ZFP30: variants seen among roughly 807,000 people sequenced by gnomAD.
ZFP30 encodes the protein ZFP30 zinc finger protein, also known as zinc finger protein 30 homolog.
In ZFP30, 16 loss-of-function variants were observed where a neutral mutation model predicts 12.3. The ratio of observed to expected loss-of-function variants is 1.30; its 90% CI spans 0.88 to 1.98. ZFP30 has a LOEUF of 1.98. Ranked by LOEUF, ZFP30 falls within the 30% of genes most tolerant of loss-of-function variation. ZFP30 has a pLI of 0.00. For missense variants in ZFP30, 560 were observed against 611.2 expected, an observed-to-expected ratio of 0.92 and a Z score of 0.88; for synonymous variants, 172 against 201.0, an observed-to-expected ratio of 0.86 and a Z score of 1.22.
At chr19:37,641,175 T>C (rs150059537) in intron 5 of ZFP30, among the ~76,000 whole-genome samples, 2 of 152,234 alleles carry the variant, frequency 1.3e-5, no homozygotes, top group Admixed American at 6.5e-5. Context: ...ACTTCATCAA[T>C]TGGTTCCACT....
Position 37,647,909 on chromosome 19 carries a change from G to T in ZFP30, c.-77-10C>A. The stretch of plus-strand genomic sequence containing the variant: ...TCCACAGACACCAGAGCTGCAGAAA[G>T]AACATGTAAAATCATGAGAAGAGAA... On this transcript the variant is annotated splice_polypyrimidine_tract_variant and intron_variant, in intron 2 of 5. Coordinates refer to ENST00000684514, the MANE Select transcript of ZFP30 (RefSeq NM_001320669.3). The T allele has an allele frequency of 6.7e-7, 1 of 1,492,352 alleles. No individual in the cohort carries two copies. Among genetic ancestry groups the T allele is most frequent in the Non-Finnish European group, 9.3e-7 (1 of 1,075,864 alleles). 92.4% of individuals were successfully genotyped at this position (1,492,352 alleles called of 1,614,324 possible).
chr19:37,649,743 G>A (rs1430800758), intron 2 of ZFP30, among the ~76,000 whole-genome samples: 1 of 151,712 alleles, frequency 6.6e-6, no homozygotes, highest in African/African-American at 2.4e-5. Context: ...AGGATCGCCT[G>A]AGCCCAGGAG....
At chr19:37,649,576 T>C (rs1280378970) in intron 2 of ZFP30, among the ~76,000 whole-genome samples, 1 of 152,152 alleles carries the variant, frequency 6.6e-6, no homozygotes, top group African/African-American at 2.4e-5. Flanking sequence ...ACACCTGTAA[T>C]CCCAGCACTT....
Position 37,635,596 on chromosome 19 carries a change from T to C in ZFP30, c.945A>G (p.Leu315=), listed in dbSNP as rs1482097796. The change falls in exon 6 of 6, where the codon CTA becomes CTG. Residue 315 remains leucine (L), a synonymous_variant. Coordinates refer to ENST00000684514, the MANE Select transcript of ZFP30 (RefSeq NM_001320669.3). Reference sequence around the variant, plus strand: ...TTTCTCCAGTATGAAGTTTGTGATGTAGTCGAAGGCCTGTACTACACAGAA... The same window carrying C: ...TTTCTCCAGTATGAAGTTTGTGATGCAGTCGAAGGCCTGTACTACACAGAA... ...QAFLCSTGLR[L]HHKLHTGEKP... is the part of the protein sequence containing the mutation. The C allele has an allele frequency of 6.2e-7, 1 of 1,614,062 alleles. No homozygotes were observed. The highest frequency in any genetic ancestry group is 8.5e-7 in the Non-Finnish European group (1 of 1,180,036).
intron 3 of ZFP30, among the ~76,000 whole-genome samples, chr19:37,645,169 C>T (rs2044517278): frequency 6.6e-6 from 1 of 151,470 alleles, no homozygotes; most frequent in Non-Finnish European, 1.5e-5. Flanking sequence ...CGCGCTACTG[C>T]ACTCCAGCCT....
At chr19:37,640,283 C>T (rs2044408817) in intron 5 of ZFP30, among the ~76,000 whole-genome samples, 1 of 151,972 alleles carries the variant, frequency 6.6e-6, no homozygotes, top group Non-Finnish European at 1.5e-5. Context: ...TAGACCTACA[C>T]TGAAACAAAA....
chr19:37,640,681 G>A (rs1367436871), intron 5 of ZFP30, among the ~76,000 whole-genome samples: 2 of 151,234 alleles, frequency 1.3e-5, no homozygotes, highest in Non-Finnish European at 2.9e-5. Context: ...GAACCCAGGA[G>A]TCTGAAACCA....
At chr19:37,637,698 G>C (rs944861445) in intron 5 of ZFP30, among the ~76,000 whole-genome samples, 1 of 151,930 alleles carries the variant, frequency 6.6e-6, no homozygotes, top group African/African-American at 2.4e-5. Context: ...ATGTTGGCCA[G>C]GCTGATCTCG....
chr19:37,633,691 T>C lies in ZFP30; in HGVS notation c.*1290A>G, dbSNP rs1338242062. 6.6e-6 allele frequency: 1 copy of C among 152,178 alleles called. No homozygotes were observed. Among genetic ancestry groups the C allele is most frequent in the East Asian group, 1.9e-4 (1 of 5,196 alleles). 9.4% of individuals were successfully genotyped at this position (152,178 alleles called of 1,614,324 possible). A position where few individuals can be genotyped will look rare whatever the true frequency, so the allele number is the denominator to read the frequency against. On this transcript the variant is annotated 3_prime_UTR_variant, in exon 6 of 6. Coordinates refer to ENST00000684514, the MANE Select transcript of ZFP30 (RefSeq NM_001320669.3). ...ATAATTCATTTTAAACTGGCTATAA[T>C]TTCATGGATAATTTGATCTTTAAAA...
chr19:37,655,582 C>G (rs1043037557), upstream of ZFP30: 1 of 152,096 alleles, frequency 6.6e-6, no homozygotes, highest in African/African-American at 2.4e-5. Flanking sequence ...CGGGGATAGT[C>G]GGGCCGGGGA....
intron 5 of ZFP30, among the ~76,000 whole-genome samples, chr19:37,639,761 G>C (rs1424395986): frequency 3.3e-5 from 5 of 150,626 alleles, no homozygotes; most frequent in Non-Finnish European, 7.4e-5. Context: ...ATTAGAATAG[G>C]TTGTAAAATT....
chr19:37,634,267 G>A lies in ZFP30; in HGVS notation c.*714C>T, dbSNP rs1360687622. On this transcript the variant is annotated 3_prime_UTR_variant, in exon 6 of 6. Transcript: ENST00000684514. ...CTCTAAACTGGGAGTTGGCTCTTGAGGCTTAAATTCAGGTTCAATATTTTT... is the reference window on the plus strand; with the variant it reads ...CTCTAAACTGGGAGTTGGCTCTTGAAGCTTAAATTCAGGTTCAATATTTTT... 3 of 152,130 alleles carry A rather than the reference G, an allele frequency of 2.0e-5. No individual in the cohort carries two copies. Among genetic ancestry groups the A allele is most frequent in the Non-Finnish European group, 4.4e-5 (3 of 68,030 alleles). The allele number at this position is 152,130 out of a possible 1,614,324, so 9.4% of individuals were successfully genotyped here. A position where few individuals can be genotyped will look rare whatever the true frequency, so the allele number is the denominator to read the frequency against.
At chr19:37,655,904 T>C (rs932906677), upstream of ZFP30, 13 of 151,388 alleles carry the variant, frequency 8.6e-5, no homozygotes, top group African/African-American at 3.2e-4. Flanking sequence ...AAGGGAGAAG[T>C]GTGGGGCCGC....
rs771411767 is a variant in ZFP30 at position 37,643,273 on chromosome 19, C to T, written c.227G>A (p.Trp76Ter). ...GCCTGATCAGCACTTACCTAGAGTC[C>T]ATCTTCTTTTCTCATCCCTCACAAC... Reference protein sequence around the residue: ...WMVVRDEKRRWTLDLESRYDT... With the variant: ...WMVVRDEKRR The change falls in exon 5 of 6, where the codon TGG becomes TAG. Residue 76 changes from tryptophan to a stop codon, truncating the protein, a stop_gained. Transcript: ENST00000684514. LOFTEE classifies it low-confidence loss of function (END_TRUNC). 1.2e-6 allele frequency: 2 copies of T among 1,611,182 alleles called. No homozygotes were observed. The highest frequency in any genetic ancestry group is 1.7e-6 in the Non-Finnish European group (2 of 1,178,976).
chr19:37,636,914 T>A (rs1207148992), intron 5 of ZFP30, among the ~76,000 whole-genome samples: 14 of 152,118 alleles, frequency 9.2e-5, no homozygotes, highest in Admixed American at 9.2e-4. Flanking sequence ...TTTCACCATG[T>A]TGGCCAGGCT....
intron 5 of ZFP30, among the ~76,000 whole-genome samples, chr19:37,640,335 T>A (rs1053963618): frequency 7.3e-5 from 11 of 151,684 alleles, no homozygotes; most frequent in African/African-American, 2.7e-4. Flanking sequence ...GATAGACAAT[T>A]TTAATGTTCT....
chr19:37,655,364 T>C (rs950393453), intron 1 of ZFP30, 56 bp downstream of exon 1: 2 of 152,550 alleles, frequency 1.3e-5, no homozygotes, highest in Non-Finnish European at 2.9e-5. Context: ...TCCGCGCTCT[T>C]TTCCCTCAGA....
chr19:37,646,704 T>C (rs2044550309), intron 3 of ZFP30, among the ~76,000 whole-genome samples: 2 of 152,226 alleles, frequency 1.3e-5, no homozygotes, highest in African/African-American at 4.8e-5. Flanking sequence ...GTTTCCCAAA[T>C]TGCTGAGACC....
At chr19:37,642,767 C>T (rs971005118) in intron 5 of ZFP30, among the ~76,000 whole-genome samples, 6 of 151,946 alleles carry the variant, frequency 3.9e-5, no homozygotes, top group East Asian at 3.9e-4. Flanking sequence ...AGAAAAGAAA[C>T]GACTGAGGCC....
Sources: gnomAD v4.1 joint callset for allele counts (sites outside exome capture counted in the v4.1 genomes callset) on GRCh38, gnomAD v4.1.1 for gene constraint, MANE v1.5 for transcripts, NCBI Gene and HGNC (gene_info 2026-07-23, HGNC 2026-07-21) for gene names.